Variants in PCDHGB1 observed in about 807,000 individuals in gnomAD.
PCDHGB1 encodes the protein protocadherin gamma-B1.
A neutral mutation model predicts 56.6 loss-of-function variants in PCDHGB1; 34 were observed. The observed-to-expected ratio is 0.60, with a 90% confidence interval of 0.46 to 0.80. The LOEUF (loss-of-function observed/expected upper bound fraction) is 0.80, where lower values mean the gene tolerates loss of function less well. PCDHGB1 is among the 30% of genes least tolerant of loss of function. The pLI, the probability that PCDHGB1 is intolerant of heterozygous loss-of-function variation, is 0.00. For missense variants in PCDHGB1, 1,278 were observed against 1,204.6 expected (o/e 1.06, Z -0.90); for synonymous variants, 561 against 505.9 (o/e 1.11, Z -1.46).
chr5:141,371,918 C>A (rs1055994137), intron 1 of PCDHGB1: 4 of 1,613,254 alleles, frequency 2.5e-6, no homozygotes, highest in East Asian at 2.2e-5. Flanking sequence ...TGTCCGTGAG[C>A]GCGCGGAGCG....
intron 1 of PCDHGB1, chr5:141,370,517 G>T (rs1766988791): frequency 6.2e-7 from 1 of 1,613,762 alleles, no homozygotes; most frequent in African/African-American, 1.3e-5. Context: ...CCGAGGAGCT[G>T]GACAGGGGCT....
At chr5:141,409,437 G>A in intron 1 of PCDHGB1, 1 of 1,613,968 alleles carries the variant, frequency 6.2e-7, no homozygotes, top group Non-Finnish European at 8.5e-7. Context: ...GCCCTGGACC[G>A]AGAGCAGACA....
rs13158033 is a variant in PCDHGB1 at position 141,367,145 on chromosome 5, T to C, written c.2409+14476T>C. The C allele has an allele frequency of 2.1e-3, 361 of 168,776 alleles. 1 individual carries two copies. The highest frequency in any genetic ancestry group is 0.012 in the Middle Eastern group (4 of 326). 10.5% of individuals were successfully genotyped at this position (168,776 alleles called of 1,614,324 possible). A position where few individuals can be genotyped will look rare whatever the true frequency, so the allele number is the denominator to read the frequency against. ...AATGTGTTTTGGAAAGGATAATGTATAGGACTGATATTTTAGTCTACCTGA... is the reference window on the plus strand; with the variant it reads ...AATGTGTTTTGGAAAGGATAATGTACAGGACTGATATTTTAGTCTACCTGA... On this transcript the variant is annotated intron_variant, in intron 1 of 3. Transcript: ENST00000523390.
At chr5:141,464,944 G>T (rs1379789566) in intron 1 of PCDHGB1, among the ~76,000 whole-genome samples, 1 of 151,826 alleles carries the variant, frequency 6.6e-6, no homozygotes, top group African/African-American at 2.4e-5. Context: ...GTCTCACTAT[G>T]TTGCCCAGGC....
At chr5:141,401,614 G>T (rs1242268897) in intron 1 of PCDHGB1, among the ~76,000 whole-genome samples, 1 of 152,188 alleles carries the variant, frequency 6.6e-6, no homozygotes, top group Non-Finnish European at 1.5e-5. Context: ...AAAGACACCG[G>T]ATTTGTCTTA....
At chr5:141,389,577 C>A in intron 1 of PCDHGB1, 1 of 1,613,244 alleles carries the variant, frequency 6.2e-7, no homozygotes. Context: ...GTACCCCGCG[C>A]TGGGTCCCGA....
At chr5:141,460,331 A>T (rs537463160) in intron 1 of PCDHGB1, among the ~76,000 whole-genome samples, 3 of 152,212 alleles carry the variant, frequency 2.0e-5, no homozygotes, top group African/African-American at 7.2e-5. Flanking sequence ...AAAACTTATG[A>T]TGATTTTCTC....
chr5:141,420,934 C>T, intron 1 of PCDHGB1: 1 of 377,936 alleles, frequency 2.6e-6, no homozygotes, highest in South Asian at 5.3e-5. Context: ...TGAGCGTAAT[C>T]ATTTCTTCTG....
At position 141,399,531 on chromosome 5, in the gene PCDHGB1, G is replaced by T. The variant is rs771221717; in HGVS notation, c.2409+46862G>T. 24 of 1,614,052 alleles carry T rather than the reference G, an allele frequency of 1.5e-5. No homozygotes were observed. The South Asian group carries it at 2.0e-4, about 13-fold the overall frequency. ...ACAACCCTCCTGGGGCCTCCATCGC[G>T]CAAGTCTGCGCCTCGGACCTGGACT... On this transcript the variant is annotated intron_variant, in intron 1 of 3. Coordinates refer to ENST00000523390, the MANE Select transcript of PCDHGB1 (RefSeq NM_018922.3).
chr5:141,413,984 C>T (rs898207454), intron 1 of PCDHGB1: 2 of 1,613,300 alleles, frequency 1.2e-6, no homozygotes, highest in African/African-American at 2.7e-5. Flanking sequence ...ACAGTCACAG[C>T]CACCGACAGG....
chr5:141,410,589 A>G (rs2095410065), intron 1 of PCDHGB1: 1 of 1,609,086 alleles, frequency 6.2e-7, no homozygotes, highest in Non-Finnish European at 8.5e-7. Flanking sequence ...GGTGGGGAGG[A>G]TTTGACTTCA....
rs2099748179 is a variant in PCDHGB1 at position 141,493,421 on chromosome 5, T to G, written c.2410-1386T>G. Among the ~76,000 whole-genome samples the G allele has an allele frequency of 6.6e-6, 1 of 152,182 alleles. No individual in the cohort carries two copies. Among genetic ancestry groups the G allele is most frequent in the South Asian group, 2.1e-4 (1 of 4,830 alleles). On this transcript the variant is annotated intron_variant, in intron 1 of 3. Coordinates refer to ENST00000523390, the MANE Select transcript of PCDHGB1 (RefSeq NM_018922.3). The surrounding 1 kb of genome is among the most constrained non-coding windows in gnomAD (Gnocchi z 4.3). Reference sequence around the variant, plus strand: ...GGAGTTGCCTCTGCTGGGATTTTGCTTCTGCTGGGATGGGGCAAGGGTGGG... The same window carrying G: ...GGAGTTGCCTCTGCTGGGATTTTGCGTCTGCTGGGATGGGGCAAGGGTGGG...
At chr5:141,366,358 CAGTATCA>C (rs1426997728) in intron 1 of PCDHGB1, 16 of 1,613,898 alleles carry the variant, frequency 9.9e-6, no homozygotes, top group African/African-American at 1.3e-5. Context: ...CTGACCTAGG[CAGTATCA>C]AGACCCCCAT....
rs755732164 is a variant in PCDHGB1 at position 141,375,200 on chromosome 5, G to T, written c.2409+22531G>T. ...AGTAATCGCCCTTTTTCAAGTGTTC[G>T]ATCGAGACTCTGGCCTGAATGGCCT... On this transcript the variant is annotated intron_variant, in intron 1 of 3. Coordinates refer to ENST00000523390, the MANE Select transcript of PCDHGB1 (RefSeq NM_018922.3). 8.1e-6 allele frequency: 13 copies of T among 1,613,822 alleles called. No individual in the cohort carries two copies. Among genetic ancestry groups the T allele is most frequent in the East Asian group, 2.2e-5 (1 of 44,902 alleles).
chr5:141,471,879 G>A (rs1027572395), intron 1 of PCDHGB1, among the ~76,000 whole-genome samples: 7 of 152,218 alleles, frequency 4.6e-5, no homozygotes, highest in African/African-American at 1.7e-4. Context: ...GCCTGAGGCT[G>A]AAGCTAGGAA....
intron 1 of PCDHGB1, chr5:141,362,670 CTTAA>C: frequency 8.1e-7 from 1 of 1,239,100 alleles, no homozygotes; most frequent in Non-Finnish European, 1.1e-6. Context: ...AATGTTGTGC[CTTAA>C]TTGTCTTAAT....
At position 141,485,257 on chromosome 5, in the gene PCDHGB1, T is replaced by G. The variant is rs1251686604; in HGVS notation, c.2410-9550T>G. 1.9e-6 allele frequency: 3 copies of G among 1,614,036 alleles called. No homozygotes were observed. The highest frequency in any genetic ancestry group is 2.5e-6 in the Non-Finnish European group (3 of 1,180,006). ...TCTTTTACCACCTGGGTTACGTTTG[T>G]GGGCAGATCCGCTACCCGGTCCCAG... On this transcript the variant is annotated intron_variant, in intron 1 of 3. Coordinates refer to ENST00000523390, the MANE Select transcript of PCDHGB1 (RefSeq NM_018922.3). The surrounding 1 kb of genome is among the most constrained non-coding windows in gnomAD (Gnocchi z 5.7).
At chr5:141,383,034 G>A in intron 1 of PCDHGB1, 2 of 1,613,860 alleles carry the variant, frequency 1.2e-6, no homozygotes. Context: ...GGTCCTTTGT[G>A]GGAGACATCG....
At chr5:141,492,822 C>T (rs1241767956) in intron 1 of PCDHGB1, among the ~76,000 whole-genome samples, 1 of 152,238 alleles carries the variant, frequency 6.6e-6, no homozygotes, top group Non-Finnish European at 1.5e-5. Context: ...GCACCAGCGG[C>T]CCCTTCCTCC....
Sources: gnomAD v4.1 joint callset for allele counts (sites outside exome capture counted in the v4.1 genomes callset) on GRCh38, gnomAD v4.1.1 for gene constraint, Gnocchi (gnomAD v3.1) non-coding constraint, MANE v1.5 for transcripts, NCBI Gene and HGNC (gene_info 2026-07-23, HGNC 2026-07-21) for gene names.